The following FRMD4A variants were observed in gnomAD, a reference collection of about 807,000 sequenced individuals.
FRMD4A encodes FERM domain-containing protein 4A.
Under a neutral mutation model 129.1 loss-of-function variants are expected in FRMD4A, and 29 were observed. The observed-to-expected ratio is 0.22, with a 90% CI of 0.17 to 0.31. The LOEUF is 0.31. Among genes scored for constraint, FRMD4A ranks in the 10% least tolerant of loss-of-function variants. FRMD4A has a pLI of 1.00. For synonymous variants in FRMD4A, 634 were observed against 571.6 expected, an observed-to-expected ratio of 1.11 and a Z score of -1.56; for missense variants, 1,272 against 1,375.8, an observed-to-expected ratio of 0.92 and a Z score of 1.19.
chr10:14,072,261 G>A (rs1452199497), intron 2 of FRMD4A, among the ~76,000 whole-genome samples: 2 of 152,104 alleles, frequency 1.3e-5, no homozygotes, highest in East Asian at 3.9e-4. Context: ...GCTGAGTTCA[G>A]GCACAAATGG....
chr10:13,765,101 A>ATTTTTTT (rs10708906), intron 6 of FRMD4A, among the ~76,000 whole-genome samples: 1 of 125,276 alleles, frequency 8.0e-6, no homozygotes. Context: ...TCAAGGATTG[A>ATTTTTTT]TTTTTTTTTT....
At chr10:13,978,424 C>T (rs1015237854) in intron 2 of FRMD4A, among the ~76,000 whole-genome samples, 2 of 152,170 alleles carry the variant, frequency 1.3e-5, no homozygotes, top group Non-Finnish European at 2.9e-5. Flanking sequence ...GCTCCTGACT[C>T]TCTCACACCC....
At chr10:13,811,571 CAAA>C (rs11361577) in intron 3 of FRMD4A, among the ~76,000 whole-genome samples, 8 of 136,250 alleles carry the variant, frequency 5.9e-5, no homozygotes, top group Non-Finnish European at 9.5e-5. Context: ...GACTCTGCCT[CAAA>C]AAAAAAAAAA....
intron 2 of FRMD4A, among the ~76,000 whole-genome samples, chr10:14,167,475 TGCAGTGA>T (rs1841244641): frequency 1.4e-5 from 2 of 138,168 alleles, no homozygotes; most frequent in Non-Finnish European, 3.0e-5. Context: ...AGGCAGAAGT[TGCAGTGA>T]GCTGAGATCA....
chr10:13,750,041 A>C (rs2091494504), intron 8 of FRMD4A, among the ~76,000 whole-genome samples: 1 of 138,654 alleles, frequency 7.2e-6, no homozygotes, highest in African/African-American at 2.6e-5. Context: ...AAGAGAGGGA[A>C]AGGAAAGGAA....
intron 2 of FRMD4A, among the ~76,000 whole-genome samples, chr10:14,286,965 T>C (rs1026115232): frequency 1.3e-5 from 2 of 152,092 alleles, no homozygotes; most frequent in Admixed American, 1.3e-4. Flanking sequence ...TGTTAAATGA[T>C]TGGAACAACA....
At chr10:14,257,383 T>G (rs1420524471) in intron 2 of FRMD4A, among the ~76,000 whole-genome samples, 1 of 152,018 alleles carries the variant, frequency 6.6e-6, no homozygotes, top group African/African-American at 2.4e-5. Flanking sequence ...ATATATAAAC[T>G]GATCTCAGTA....
At chr10:13,862,929 T>C (rs2094313356) in intron 2 of FRMD4A, among the ~76,000 whole-genome samples, 1 of 139,124 alleles carries the variant, frequency 7.2e-6, no homozygotes, top group Admixed American at 7.8e-5. Flanking sequence ...CCTTGTTTTG[T>C]TCTGTTTTGT....
intron 3 of FRMD4A, among the ~76,000 whole-genome samples, chr10:13,841,947 C>G (rs2093973288): frequency 6.6e-6 from 1 of 152,186 alleles, no homozygotes; most frequent in Admixed American, 6.5e-5. Flanking sequence ...CCTGTGAAAT[C>G]TGCATTAATT....
intron 6 of FRMD4A, among the ~76,000 whole-genome samples, chr10:13,780,458 C>A (rs545796591): frequency 1.3e-5 from 2 of 152,290 alleles, no homozygotes; most frequent in South Asian, 4.1e-4. Context: ...AAAGGAGACA[C>A]TACAAGCTTA....
chr10:13,790,473 G>A (rs1387424237), intron 5 of FRMD4A, among the ~76,000 whole-genome samples: 1 of 152,132 alleles, frequency 6.6e-6, no homozygotes, highest in Non-Finnish European at 1.5e-5. Context: ...AGCAAGACAC[G>A]ACCTCGTGGA....
intron 2 of FRMD4A, among the ~76,000 whole-genome samples, chr10:13,910,451 C>A (rs536215722): frequency 1.4e-3 from 220 of 152,264 alleles, no homozygotes; most frequent in Admixed American, 5.0e-3. Flanking sequence ...CTTGCTGAGC[C>A]CCGCCTGGAT....
At chr10:13,662,288 C>T (rs1192991170) in intron 19 of FRMD4A, among the ~76,000 whole-genome samples, 1 of 152,148 alleles carries the variant, frequency 6.6e-6, no homozygotes, top group African/African-American at 2.4e-5. Context: ...TCTAATAGCA[C>T]AGCCAAGGTG....
At chr10:14,230,605 A>T (rs1190754539) in intron 2 of FRMD4A, among the ~76,000 whole-genome samples, 1 of 152,182 alleles carries the variant, frequency 6.6e-6, no homozygotes, top group Non-Finnish European at 1.5e-5. Context: ...GAGAATTTTT[A>T]AAATTTTTTA....
At chr10:14,279,716 G>A (rs901207343) in intron 2 of FRMD4A, among the ~76,000 whole-genome samples, 1 of 152,204 alleles carries the variant, frequency 6.6e-6, no homozygotes, top group African/African-American at 2.4e-5. Context: ...ATAACAACGT[G>A]TCCTAACTCT....
At chr10:13,943,368 G>T (rs111779541) in intron 2 of FRMD4A, among the ~76,000 whole-genome samples, 1 of 151,942 alleles carries the variant, frequency 6.6e-6, no homozygotes, top group Non-Finnish European at 1.5e-5. Flanking sequence ...GACCCACATC[G>T]GCCAGGTGCG....
chr10:14,166,612 T>C (rs17154765), intron 2 of FRMD4A, among the ~76,000 whole-genome samples: 31,138 of 152,264 alleles, frequency 0.2, 3,311 homozygotes, highest in African/African-American at 0.27. Flanking sequence ...CCAGTTATGG[T>C]ATCTTCACTG....
intron 12 of FRMD4A, among the ~76,000 whole-genome samples, chr10:13,718,137 A>C (rs536830494): frequency 8.5e-5 from 13 of 152,306 alleles, no homozygotes; most frequent in African/African-American, 3.1e-4. Context: ...GCTGTCTGGC[A>C]GACCTTGGTT....
chr10:14,158,970 C>T (rs1354971414), intron 2 of FRMD4A, among the ~76,000 whole-genome samples: 3 of 151,806 alleles, frequency 2.0e-5, no homozygotes, highest in Admixed American at 6.6e-5. Context: ...GATATAGAAA[C>T]TGACTGAATG....
Sources: allele counts gnomAD v4.1 joint callset (sites outside exome capture counted in the v4.1 genomes callset), GRCh38; gene constraint gnomAD v4.1.1; transcripts MANE v1.5; gene names NCBI Gene and HGNC (gene_info 2026-07-23, HGNC 2026-07-21).